Variants in REEP5 observed in about 807,000 individuals in gnomAD.
REEP5 encodes receptor accessory protein 5.
Under a neutral mutation model 22.4 loss-of-function variants are expected in REEP5, and 24 were observed. The observed-to-expected ratio is 1.07, with a 90% confidence interval of 0.78 to 1.51. The LOEUF (loss-of-function observed/expected upper bound fraction) is 1.51. REEP5 is among the 40% of genes most tolerant of loss of function. The pLI is 0.00. For synonymous variants in REEP5, 103 were observed against 88.6 expected, an observed-to-expected ratio of 1.16 and a Z score of -0.92; for missense variants, 252 against 233.0, an observed-to-expected ratio of 1.08 and a Z score of -0.53.
intron 3 of REEP5, chr5:112,894,701 A>G (rs1000707290): frequency 2.6e-5 from 4 of 152,184 alleles, no homozygotes; most frequent in African/African-American, 9.7e-5. Flanking sequence ...CTAACATGAT[A>G]TTTGTTATAT....
At chr5:112,902,553 G>A in intron 2 of REEP5, 35 bp from the exon 3 acceptor site, 1 of 1,525,706 alleles carries the variant, frequency 6.6e-7, no homozygotes, top group Non-Finnish European at 8.8e-7. Flanking sequence ...ATATCATTTG[G>A]TAAGATATCA....
intron 3 of REEP5, 135 bp downstream of exon 3, chr5:112,902,245 C>T (rs1768867763): frequency 1.5e-5 from 14 of 913,284 alleles, no homozygotes; most frequent in East Asian, 6.0e-5. Flanking sequence ...GACAGAGTCT[C>T]GCTCTGTTGC....
chr5:112,908,666 C>G (rs915256311), intron 2 of REEP5, among the ~76,000 whole-genome samples: 5 of 152,112 alleles, frequency 3.3e-5, no homozygotes, highest in Non-Finnish European at 7.4e-5. Flanking sequence ...GCTGGGACTA[C>G]AGGTGCCCAC....
At chr5:112,892,252 C>G (rs1318231167) in intron 3 of REEP5, 1 of 1,614,110 alleles carries the variant, frequency 6.2e-7, no homozygotes, top group East Asian at 2.2e-5. Flanking sequence ...TAGTCCTACC[C>G]TTCTTATTAA....
chr5:112,883,444 G>A lies in REEP5; in HGVS notation c.520+3571C>T, dbSNP rs115963951. Among the ~76,000 whole-genome samples the A allele has an allele frequency of 4.0e-3, 614 of 152,182 alleles. 4 individuals are homozygous for A. Among genetic ancestry groups the A allele is most frequent in the African/African-American group, 0.014 (578 of 41,508 alleles). On this transcript the variant is annotated intron_variant, in intron 4 of 4. Transcript: ENST00000379638. ...AAAAACTTTCTGTTCTTGGCCCCAG[G>A]GATACCACACGCTCATGGTTTTCTT... is the stretch of plus-strand genomic sequence containing the variant.
chr5:112,892,265 G>A (rs764268042), intron 3 of REEP5: 1 of 1,614,092 alleles, frequency 6.2e-7, no homozygotes, highest in Non-Finnish European at 8.5e-7. Context: ...CTTATTAAGA[G>A]CATGTTTACA....
rs933917475 is a variant in REEP5, at chr5:112,921,948, T to C, written c.118+125A>G. The C allele has an allele frequency of 4.0e-6, 5 of 1,235,778 alleles. No individual in the cohort carries two copies. In the African/African-American group the frequency reaches 4.8e-5, roughly 12 times the overall value. 76.6% of individuals were successfully genotyped at this position (1,235,778 alleles called of 1,614,324 possible). On this transcript the variant is annotated intron_variant, in intron 1 of 4. Coordinates refer to ENST00000379638, the MANE Select transcript of REEP5 (RefSeq NM_005669.5). ...GGGAGGCCAGCCTGATCCCTGAATA[T>C]GCTGCTTGTCCCGTCTGTCTCCGAC... is the stretch of plus-strand genomic sequence containing the variant.
At position 112,899,763 on chromosome 5, in the gene REEP5, C is replaced by A. The variant is rs147306592; in HGVS notation, c.351+2617G>T. On this transcript the variant is annotated intron_variant, in intron 3 of 4. Coordinates refer to ENST00000379638, the MANE Select transcript of REEP5 (RefSeq NM_005669.5). ...TTAAAAAGGTTATTCAAGTTTATACCACTAGGCTGTTAAGTATCCCTTATG... is the reference window on the plus strand; with the variant it reads ...TTAAAAAGGTTATTCAAGTTTATACAACTAGGCTGTTAAGTATCCCTTATG... 3.6e-3 allele frequency among the ~76,000 whole-genome samples: 547 copies of A among 152,168 alleles called. 4 individuals carry two copies. Among genetic ancestry groups the A allele is most frequent in the African/African-American group, 0.013 (534 of 41,524 alleles).
chr5:112,890,614 G>A (rs1411610880), intron 3 of REEP5, among the ~76,000 whole-genome samples: 3 of 150,362 alleles, frequency 2.0e-5, no homozygotes, highest in East Asian at 2.0e-4. Context: ...CTGACCTCAA[G>A]TGATCCACCC....
At chr5:112,918,637 C>T (rs143961044) in intron 2 of REEP5, among the ~76,000 whole-genome samples, 153 of 152,294 alleles carry the variant, frequency 1.0e-3, no homozygotes, top group Non-Finnish European at 1.8e-3. Flanking sequence ...AAATATAAAT[C>T]GTATCATGTC....
At chr5:112,893,094 T>TA (rs552226372) in intron 3 of REEP5, 15,533 of 494,398 alleles carry the variant, frequency 0.031, 49 homozygotes, top group Admixed American at 0.048. Context: ...GTTTTGTTCT[T>TA]AAAAAAAAAA....
chr5:112,882,888 TAGAA>T (rs1768122314), intron 4 of REEP5, among the ~76,000 whole-genome samples: 1 of 152,214 alleles, frequency 6.6e-6, no homozygotes, highest in Non-Finnish European at 1.5e-5. Flanking sequence ...ATGAAACAAT[TAGAA>T]AGTCACTTCT....
intron 4 of REEP5, among the ~76,000 whole-genome samples, chr5:112,882,701 A>G (rs1580728659): frequency 6.6e-6 from 1 of 152,220 alleles, no homozygotes. Flanking sequence ...CTACAATGGC[A>G]GAGAAGAGTA....
rs138189552 is a variant in REEP5 at position 112,899,328 on chromosome 5, G to A, written c.351+3052C>T. Among the ~76,000 whole-genome samples the A allele has an allele frequency of 8.6e-5, 13 of 151,178 alleles. No homozygotes were observed. In the East Asian group the frequency reaches 2.5e-3, roughly 29 times the overall value. ...GGTTAATTTTTAAATTTGTGTGTGT[G>A]GAGACAGGGTCTCACCATGTTGCCC... On this transcript the variant is annotated intron_variant, in intron 3 of 4. Transcript: ENST00000379638.
chr5:112,891,763 C>G, intron 3 of REEP5: 2 of 1,613,922 alleles, frequency 1.2e-6, no homozygotes, highest in South Asian at 1.1e-5. Context: ...GGAACTTGCT[C>G]GACTGAGAGA....
intron 2 of REEP5, among the ~76,000 whole-genome samples, chr5:112,904,648 A>G (rs1768916702): frequency 6.6e-6 from 1 of 152,220 alleles, no homozygotes; most frequent in Non-Finnish European, 1.5e-5. Flanking sequence ...CTCGGTAAGC[A>G]TACATTTTAC....
intron 3 of REEP5, among the ~76,000 whole-genome samples, chr5:112,890,123 G>T (rs546919208): frequency 6.7e-6 from 1 of 149,974 alleles, no homozygotes; most frequent in Admixed American, 6.7e-5. Context: ...CACCGCACCC[G>T]GCCACAAAAA....
chr5:112,880,760 A>C (rs1175839784), intron 4 of REEP5, among the ~76,000 whole-genome samples: 1 of 152,236 alleles, frequency 6.6e-6, no homozygotes, highest in East Asian at 1.9e-4. Flanking sequence ...TGGGTGAAGT[A>C]GACAGAAATG....
At chr5:112,892,592 GTTTA>G in intron 3 of REEP5, 1 of 1,614,140 alleles carries the variant, frequency 6.2e-7, no homozygotes, top group Admixed American at 1.7e-5. Flanking sequence ...GCGATTTGTG[GTTTA>G]TTTGAAATAC....
Sources: allele counts gnomAD v4.1 joint callset (sites outside exome capture counted in the v4.1 genomes callset), GRCh38; gene constraint gnomAD v4.1.1; transcripts MANE v1.5; gene names NCBI Gene and HGNC (gene_info 2026-07-23, HGNC 2026-07-21).